Variants in SLC44A5 observed in about 807,000 individuals in gnomAD.
SLC44A5 encodes solute carrier family 44 member 5, also known as choline transporter-like protein 5.
Under a neutral mutation model 101.8 loss-of-function variants are expected in SLC44A5, and 57 were observed. The ratio of observed to expected loss-of-function variants is 0.56; its 90% CI spans 0.45 to 0.70. SLC44A5 has a LOEUF of 0.70. Ranked by LOEUF, SLC44A5 falls within the 30% of genes least tolerant of loss-of-function variation. The pLI, the probability that SLC44A5 is intolerant of heterozygous loss-of-function variation, is 0.00. For missense variants in SLC44A5, 737 were observed against 853.1 expected, an observed-to-expected ratio of 0.86 and a Z score of 1.70; for synonymous variants, 281 against 290.9, an observed-to-expected ratio of 0.97 and a Z score of 0.35.
intron 1 of SLC44A5, among the ~76,000 whole-genome samples, chr1:75,543,141 GTTAA>G (rs1350778429): frequency 2.0e-5 from 3 of 152,090 alleles, no homozygotes; most frequent in Non-Finnish European, 4.4e-5. Flanking sequence ...GTTTTCTAGT[GTTAA>G]TTATTTTATA....
intron 3 of SLC44A5, among the ~76,000 whole-genome samples, chr1:75,351,868 A>AAAAAAAAAGAGAG (rs1553165361): frequency 3.4e-5 from 2 of 58,518 alleles, no homozygotes; most frequent in African/African-American, 5.9e-5. Flanking sequence ...AAAAAAAAAA[A>AAAAAAAAAGAGAG]AGAGAGAGAG....
At chr1:75,482,642 AC>A (rs1275536097) in intron 2 of SLC44A5, among the ~76,000 whole-genome samples, 1 of 152,202 alleles carries the variant, frequency 6.6e-6, no homozygotes, top group Admixed American at 6.6e-5. Context: ...AATATCAGGA[AC>A]ATGAGTCTAA....
chr1:75,251,386 A>T (rs1479511413), intron 6 of SLC44A5, 92 bp from the exon 7 acceptor site: 3 of 1,062,670 alleles, frequency 2.8e-6, no homozygotes, highest in Non-Finnish European at 4.1e-6. Flanking sequence ...TAACCTTTAA[A>T]AATTGGTTTC....
At chr1:75,405,661 G>A (rs1662802092) in intron 2 of SLC44A5, among the ~76,000 whole-genome samples, 1 of 152,076 alleles carries the variant, frequency 6.6e-6, no homozygotes, top group Non-Finnish European at 1.5e-5. Flanking sequence ...AAACCAATGA[G>A]AACAAAGAGA....
intron 2 of SLC44A5, among the ~76,000 whole-genome samples, chr1:75,424,382 T>C (rs1024136073): frequency 6.6e-6 from 1 of 152,180 alleles, no homozygotes. Context: ...CTCAGCTCAC[T>C]GCAACCTCCA....
chr1:75,255,414 G>T (rs546407728), intron 6 of SLC44A5, among the ~76,000 whole-genome samples: 1 of 149,148 alleles, frequency 6.7e-6, no homozygotes, highest in Non-Finnish European at 1.5e-5. Context: ...AACAAGAAAG[G>T]CTTATAAAGA....
the SLC44A5 span, among the ~76,000 whole-genome samples, chr1:75,649,566 G>A: frequency 5.9e-5 from 9 of 152,142 alleles, no homozygotes; most frequent in Middle Eastern, 6.8e-3. Context: ...GTATTTCTAG[G>A]TCTATTAAAT....
chr1:75,627,681 CT>C, the SLC44A5 span, among the ~76,000 whole-genome samples: 4 of 151,238 alleles, frequency 2.6e-5, no homozygotes, highest in African/African-American at 9.7e-5. Flanking sequence ...GACCACATCT[CT>C]ATTAAAAATA....
chr1:75,520,406 A>C (rs1670051586), intron 2 of SLC44A5, among the ~76,000 whole-genome samples: 1 of 152,204 alleles, frequency 6.6e-6, no homozygotes, highest in East Asian at 1.9e-4. Flanking sequence ...AGACTTTTAA[A>C]CTTCAAATTT....
At chr1:75,489,818 T>C (rs901678591) in intron 2 of SLC44A5, among the ~76,000 whole-genome samples, 15 of 152,218 alleles carry the variant, frequency 9.9e-5, no homozygotes, top group African/African-American at 3.6e-4. Flanking sequence ...ACAGTAGATG[T>C]ACTCACTTTT....
chr1:75,582,389 A>G (rs1673746991), intron 1 of SLC44A5: 1 of 774,564 alleles, frequency 1.3e-6, no homozygotes, highest in African/African-American at 1.7e-5. Flanking sequence ...ACTTGCCCAC[A>G]TTGCCCACTC....
chr1:75,593,124 G>A (rs889892105), intron 1 of SLC44A5, among the ~76,000 whole-genome samples: 3 of 151,886 alleles, frequency 2.0e-5, no homozygotes, highest in African/African-American at 7.2e-5. Context: ...GAATACACAA[G>A]GAACTCAACA....
the SLC44A5 span, among the ~76,000 whole-genome samples, chr1:75,669,303 T>C: frequency 6.6e-6 from 1 of 152,174 alleles, no homozygotes; most frequent in African/African-American, 2.4e-5. Context: ...GCCTGACATG[T>C]GGATTCCCTA....
At chr1:75,680,940 A>G in the SLC44A5 span, among the ~76,000 whole-genome samples, 1 of 150,510 alleles carries the variant, frequency 6.6e-6, no homozygotes, top group East Asian at 1.9e-4. Flanking sequence ...ATCACCACCG[A>G]ACCCACAGAA....
At chr1:75,259,197 T>A (rs1650278688) in intron 6 of SLC44A5, among the ~76,000 whole-genome samples, 1 of 152,136 alleles carries the variant, frequency 6.6e-6, no homozygotes, top group Non-Finnish European at 1.5e-5. Flanking sequence ...TTGACAGAAT[T>A]AGGCTTCAGA....
At chr1:75,282,301 A>G (rs1249146900) in intron 5 of SLC44A5, among the ~76,000 whole-genome samples, 1 of 152,124 alleles carries the variant, frequency 6.6e-6, no homozygotes, top group East Asian at 1.9e-4. Context: ...TCCCATTTGG[A>G]ATGGGTGTAT....
At chr1:75,601,276 CA>C (rs908930968) in intron 1 of SLC44A5, among the ~76,000 whole-genome samples, 2 of 134,690 alleles carry the variant, frequency 1.5e-5, no homozygotes, top group Non-Finnish European at 3.1e-5. Context: ...AACACAAGAA[CA>C]AAAAAACAAA....
At chr1:75,702,675 A>C in the SLC44A5 span, among the ~76,000 whole-genome samples, 7 of 152,192 alleles carry the variant, frequency 4.6e-5, no homozygotes, top group Admixed American at 1.3e-4. Context: ...TAATTAAACT[A>C]AAGAGCTTCT....
intron 4 of SLC44A5, among the ~76,000 whole-genome samples, chr1:75,327,030 T>A (rs553929210): frequency 1.6e-4 from 25 of 152,114 alleles, no homozygotes; most frequent in African/African-American, 5.1e-4. Flanking sequence ...TTTTTTACTT[T>A]AAACTTTGAG....
Sources: allele counts gnomAD v4.1 joint callset (sites outside exome capture counted in the v4.1 genomes callset), GRCh38; gene constraint gnomAD v4.1.1; transcripts MANE v1.5; gene names NCBI Gene and HGNC (gene_info 2026-07-23, HGNC 2026-07-21).